PIK3CB: variants seen among roughly 807,000 people sequenced by gnomAD.
PIK3CB encodes the protein phosphatidylinositol-4,5-bisphosphate 3-kinase catalytic subunit beta, also known as phosphatidylinositol 4,5-bisphosphate 3-kinase catalytic subunit beta isoform.
In PIK3CB, 39 loss-of-function variants were observed where a neutral mutation model predicts 136.8. The observed-to-expected ratio is 0.29, with a 90% CI of 0.22 to 0.37. The LOEUF (loss-of-function observed/expected upper bound fraction) is 0.37, where lower values mean the gene tolerates loss of function less well. PIK3CB is among the 10% of genes least tolerant of loss of function. The probability of loss-of-function intolerance (pLI) is 1.00; values close to 1 mark genes in which losing one functional copy is unlikely to be tolerated. For missense variants in PIK3CB, 868 were observed against 1,275.4 expected, an observed-to-expected ratio of 0.68 and a Z score of 4.87; for synonymous variants, 428 against 436.6, an observed-to-expected ratio of 0.98 and a Z score of 0.25.
chr3:138,765,168 A>G (rs1369041576), intron 2 of PIK3CB, among the ~76,000 whole-genome samples: 2 of 152,138 alleles, frequency 1.3e-5, no homozygotes, highest in African/African-American at 4.8e-5. Flanking sequence ...AAAAATACAA[A>G]AATTAGCTGG....
intron 1 of PIK3CB, among the ~76,000 whole-genome samples, chr3:138,830,997 T>TG (rs1383757337): frequency 1.4e-5 from 2 of 148,022 alleles, no homozygotes; most frequent in African/African-American, 4.9e-5. Flanking sequence ...ATTTATTTAT[T>TG]GGGGGCAAGG....
intron 8 of PIK3CB, among the ~76,000 whole-genome samples, chr3:138,715,390 T>C (rs2044586554): frequency 2.0e-5 from 3 of 152,180 alleles, no homozygotes; most frequent in African/African-American, 2.4e-5. Context: ...AGGGAGAAAG[T>C]AGAGCTAAAA....
At chr3:138,822,761 G>C (rs1183236027) in intron 1 of PIK3CB, among the ~76,000 whole-genome samples, 1 of 150,624 alleles carries the variant, frequency 6.6e-6, no homozygotes, top group Non-Finnish European at 1.5e-5. Context: ...GAATCGGCTT[G>C]AACTCAGGAG....
intron 2 of PIK3CB, among the ~76,000 whole-genome samples, chr3:138,768,989 G>A (rs1381533143): frequency 6.6e-6 from 1 of 152,136 alleles, no homozygotes; most frequent in Admixed American, 6.5e-5. Flanking sequence ...AGGGGCTGGG[G>A]GGCCAATGGC....
chr3:138,766,219 C>T (rs2045730744), intron 2 of PIK3CB, among the ~76,000 whole-genome samples: 1 of 152,110 alleles, frequency 6.6e-6, no homozygotes, highest in Non-Finnish European at 1.5e-5. Context: ...CTGCTATTTT[C>T]AGGATAAGGC....
intron 15 of PIK3CB, among the ~76,000 whole-genome samples, chr3:138,690,532 T>C (rs2043985920): frequency 6.6e-6 from 1 of 152,012 alleles, no homozygotes; most frequent in Non-Finnish European, 1.5e-5. Context: ...TTGAATAAAA[T>C]TGCTGTCATT....
chr3:138,746,380 G>C (rs891946384), intron 4 of PIK3CB, among the ~76,000 whole-genome samples: 2 of 152,066 alleles, frequency 1.3e-5, no homozygotes, highest in Admixed American at 6.5e-5. Context: ...TGTCAAATCG[G>C]CCGGGCACGG....
chr3:138,809,751 A>G (rs961434343), intron 1 of PIK3CB, among the ~76,000 whole-genome samples: 1 of 152,162 alleles, frequency 6.6e-6, no homozygotes, highest in African/African-American at 2.4e-5. Flanking sequence ...TAACACAGAC[A>G]TAGTTAAGTA....
intron 8 of PIK3CB, among the ~76,000 whole-genome samples, chr3:138,722,219 G>GACAC (rs1386778250): frequency 9.2e-5 from 6 of 65,400 alleles, no homozygotes; most frequent in Admixed American, 1.9e-4. Flanking sequence ...TGCTATGTAA[G>GACAC]AGACACACAC....
chr3:138,756,633 C>A (rs1219221451), intron 3 of PIK3CB, among the ~76,000 whole-genome samples: 1 of 152,092 alleles, frequency 6.6e-6, no homozygotes, highest in Non-Finnish European at 1.5e-5. Context: ...AAAGGGATTG[C>A]ATATTTTGTT....
At chr3:138,763,839 G>A (rs1015892545) in intron 2 of PIK3CB, among the ~76,000 whole-genome samples, 2 of 152,138 alleles carry the variant, frequency 1.3e-5, no homozygotes, top group East Asian at 1.9e-4. Context: ...AAGGCCAGGC[G>A]CGCTGGCTCA....
At chr3:138,814,766 C>T (rs1025116300) in intron 1 of PIK3CB, among the ~76,000 whole-genome samples, 22 of 152,038 alleles carry the variant, frequency 1.4e-4, no homozygotes, top group African/African-American at 5.1e-4. Flanking sequence ...TTTTGGGAGG[C>T]CAAGGTGGGC....
Position 138,665,034 on chromosome 3 carries a change from A to T in PIK3CB, c.2672+2T>A. 6.3e-7 allele frequency: 1 copy of T among 1,595,226 alleles called. No individual in the cohort carries two copies. The highest frequency in any genetic ancestry group is 8.6e-7 in the Non-Finnish European group (1 of 1,166,884). Reference sequence around the variant, plus strand: ...AATGATAATTAAACAGAATAAACTAACCCAGAGTTGTATTCTTTAAGCCAG... The same window carrying T: ...AATGATAATTAAACAGAATAAACTATCCCAGAGTTGTATTCTTTAAGCCAG... On this transcript the variant is annotated splice_donor_variant, in intron 20 of 23. Coordinates refer to ENST00000674063, the MANE Select transcript of PIK3CB (RefSeq NM_006219.3). LOFTEE classifies it high-confidence loss of function.
intron 12 of PIK3CB, among the ~76,000 whole-genome samples, chr3:138,701,700 G>A (rs760060559): frequency 9.3e-5 from 14 of 150,248 alleles, no homozygotes; most frequent in African/African-American, 1.5e-4. Flanking sequence ...CAGGGGAATC[G>A]CTTGAACCCG....
At chr3:138,800,826 T>C (rs753455597) in intron 1 of PIK3CB, among the ~76,000 whole-genome samples, 1 of 152,134 alleles carries the variant, frequency 6.6e-6, no homozygotes, top group African/African-American at 2.4e-5. Context: ...GTTTTCGCCA[T>C]GTTGGCCAGG....
intron 8 of PIK3CB, among the ~76,000 whole-genome samples, chr3:138,728,072 A>G (rs2044880147): frequency 6.6e-6 from 1 of 152,128 alleles, no homozygotes; most frequent in Non-Finnish European, 1.5e-5. Context: ...TCGGCCTCCC[A>G]AAGTTCTGGG....
chr3:138,818,957 T>C (rs909879807), intron 1 of PIK3CB, among the ~76,000 whole-genome samples: 2 of 152,102 alleles, frequency 1.3e-5, no homozygotes, highest in Admixed American at 6.6e-5. Flanking sequence ...ACATTATAAG[T>C]CATAAAAAGG....
At chr3:138,684,524 C>T in intron 17 of PIK3CB, 101 bp downstream of exon 17, 1 of 750,968 alleles carries the variant, frequency 1.3e-6, no homozygotes, top group Non-Finnish European at 2.0e-6. Flanking sequence ...TAATTATATT[C>T]TACTTCCTGA....
intron 1 of PIK3CB, among the ~76,000 whole-genome samples, chr3:138,810,922 A>AAAAT (rs533682097): frequency 1.8e-4 from 27 of 151,418 alleles, no homozygotes; most frequent in Non-Finnish European, 2.9e-4. Context: ...TCCGTCTCAA[A>AAAAT]AAATAAATAA....
Sources: allele counts gnomAD v4.1 joint callset (sites outside exome capture counted in the v4.1 genomes callset), GRCh38; gene constraint gnomAD v4.1.1; transcripts MANE v1.5; gene names NCBI Gene and HGNC (gene_info 2026-07-23, HGNC 2026-07-21).